Variants in PDE3A observed in about 807,000 individuals in gnomAD.
The protein encoded by PDE3A is cGMP-inhibited 3',5'-cyclic phosphodiesterase 3A.
A neutral mutation model predicts 98.3 loss-of-function variants in PDE3A; 43 were observed. The observed-to-expected ratio is 0.44, with a 90% CI of 0.34 to 0.56. PDE3A has a LOEUF of 0.56. PDE3A is among the 20% of genes least tolerant of loss of function. The pLI is 0.01. For missense variants in PDE3A, 1,427 were observed against 1,440.7 expected, an observed-to-expected ratio of 0.99 and a Z score of 0.15; for synonymous variants, 663 against 567.9, an observed-to-expected ratio of 1.17 and a Z score of -2.38.
chr12:20,523,594 T>C lies in PDE3A; in HGVS notation c.961-33066T>C, dbSNP rs185261138. Among the ~76,000 whole-genome samples the C allele has an allele frequency of 6.6e-5, 10 of 152,308 alleles. No individual in the cohort carries two copies. In the East Asian group the frequency reaches 1.9e-3, roughly 29 times the overall value. ...TTACCACTTACACAGAGGCATTTCT[T>C]AATGTTGAATTCAAATGTTGATTTT... On this transcript the variant is annotated intron_variant, in intron 1 of 15. Coordinates refer to ENST00000359062, the MANE Select transcript of PDE3A (RefSeq NM_000921.5).
chr12:20,582,686 A>G (rs1198746890), intron 2 of PDE3A, among the ~76,000 whole-genome samples: 1 of 152,242 alleles, frequency 6.6e-6, no homozygotes, highest in African/African-American at 2.4e-5. Flanking sequence ...TTATAGGAAT[A>G]TGTTTTGAGA....
At chr12:20,498,412 C>G (rs1004876055) in intron 1 of PDE3A, among the ~76,000 whole-genome samples, 1 of 151,904 alleles carries the variant, frequency 6.6e-6, no homozygotes, top group Non-Finnish European at 1.5e-5. Context: ...CTGAACTGAA[C>G]ATGTGCAGAC....
At chr12:20,617,742 C>G (rs778189924) in intron 4 of PDE3A, among the ~76,000 whole-genome samples, 17 of 152,066 alleles carry the variant, frequency 1.1e-4, no homozygotes, top group African/African-American at 3.9e-4. Context: ...TAGAATGACT[C>G]TATGAAAAAT....
At chr12:20,677,385 T>G (rs1945668432) in intron 15 of PDE3A, among the ~76,000 whole-genome samples, 2 of 152,182 alleles carry the variant, frequency 1.3e-5, no homozygotes, top group African/African-American at 4.8e-5. Flanking sequence ...CATATTTTCT[T>G]GCTTTTTCAC....
At position 20,381,766 on chromosome 12, in the gene PDE3A, G is replaced by A. The variant is rs182504069; in HGVS notation, c.960+11522G>A. Among the ~76,000 whole-genome samples the A allele has an allele frequency of 1.1e-3, 160 of 151,786 alleles. 1 individual carries two copies. Among genetic ancestry groups the A allele is most frequent in the African/African-American group, 3.8e-3 (158 of 41,432 alleles). ...ATGACCAGAATTGATTAAAAATGTC[G>A]GCAAGTAAGTTTGTTATTTAATATC... On this transcript the variant is annotated intron_variant, in intron 1 of 15. Coordinates refer to ENST00000359062, the MANE Select transcript of PDE3A (RefSeq NM_000921.5).
Position 20,551,686 on chromosome 12 carries a change from C to A in PDE3A, c.961-4974C>A, listed in dbSNP as rs950579816. The A allele has an allele frequency of 5.0e-6, 8 of 1,610,660 alleles. No homozygotes were observed. The East Asian group carries it at 1.6e-4, about 31-fold the overall frequency. On this transcript the variant is annotated intron_variant, in intron 1 of 15. Coordinates refer to ENST00000359062, the MANE Select transcript of PDE3A (RefSeq NM_000921.5). Reference sequence around the variant, plus strand: ...CCTGGACCCGCCCCTCAGCAGTGTTCCCAGCGAGGACGAGTGGTACTGCCC... The same window carrying A: ...CCTGGACCCGCCCCTCAGCAGTGTTACCAGCGAGGACGAGTGGTACTGCCC...
intron 1 of PDE3A, among the ~76,000 whole-genome samples, chr12:20,507,578 AC>A (rs1265397964): frequency 1.3e-5 from 2 of 151,952 alleles, no homozygotes; most frequent in Non-Finnish European, 2.9e-5. Context: ...TAGATACCTA[AC>A]AGACGCCTCA....
chr12:20,475,863 G>A (rs1311449371), intron 1 of PDE3A, among the ~76,000 whole-genome samples: 1 of 152,134 alleles, frequency 6.6e-6, no homozygotes, highest in Non-Finnish European at 1.5e-5. Flanking sequence ...GAAACTGAGA[G>A]GCAGATATTC....
chr12:20,401,219 C>T (rs1035285094), intron 1 of PDE3A, among the ~76,000 whole-genome samples: 1 of 152,106 alleles, frequency 6.6e-6, no homozygotes, highest in Non-Finnish European at 1.5e-5. Context: ...ACTGGTCTCC[C>T]TACCCTCATG....
At chr12:20,635,868 T>C (rs1944501224) in intron 8 of PDE3A, among the ~76,000 whole-genome samples, 1 of 152,286 alleles carries the variant, frequency 6.6e-6, no homozygotes, top group African/African-American at 2.4e-5. Context: ...ATTTTTTCTC[T>C]TTCCAAGCAT....
chr12:20,396,461 AC>A (rs1182056725), intron 1 of PDE3A, among the ~76,000 whole-genome samples: 2 of 152,030 alleles, frequency 1.3e-5, no homozygotes, highest in African/African-American at 4.8e-5. Context: ...TAAAGCCAGA[AC>A]TCTATCCTTG....
chr12:20,407,627 T>C (rs1017844760), intron 1 of PDE3A, among the ~76,000 whole-genome samples: 40 of 152,316 alleles, frequency 2.6e-4, no homozygotes, highest in African/African-American at 9.4e-4. Context: ...TGCAAGAAGA[T>C]ATACCAGCAT....
At chr12:20,633,053 C>A (rs373600134) in intron 6 of PDE3A, among the ~76,000 whole-genome samples, 1 of 145,538 alleles carries the variant, frequency 6.9e-6, no homozygotes, top group East Asian at 2.0e-4. Flanking sequence ...CAGGTTCAAG[C>A]GATTCTCCTG....
chr12:20,372,648 C>G (rs1426963271), intron 1 of PDE3A, among the ~76,000 whole-genome samples: 2 of 152,092 alleles, frequency 1.3e-5, no homozygotes, highest in Non-Finnish European at 2.9e-5. Context: ...AAGTGTACCA[C>G]TGTCATTTGC....
chr12:20,546,431 A>G (rs1942060460), intron 1 of PDE3A, among the ~76,000 whole-genome samples: 1 of 152,006 alleles, frequency 6.6e-6, no homozygotes. Flanking sequence ...GACTGGCCTA[A>G]ACTATCAGAG....
rs561082929 is a variant in PDE3A at position 20,637,947 on chromosome 12, G to A, written c.2139+710G>A. Among the ~76,000 whole-genome samples, 3 of 152,264 alleles carry A rather than the reference G, an allele frequency of 2.0e-5. No individual in the cohort carries two copies. The East Asian group carries it at 5.8e-4, about 29-fold the overall frequency. On this transcript the variant is annotated intron_variant, in intron 9 of 15. Transcript: ENST00000359062. ...AAATACACACCCTTAATTAAATAAA[G>A]AGGATGGTGTGATAATATGTATCAG...
intron 1 of PDE3A, among the ~76,000 whole-genome samples, chr12:20,478,169 A>G (rs1417076743): frequency 2.0e-5 from 3 of 152,206 alleles, no homozygotes; most frequent in Admixed American, 1.3e-4. Flanking sequence ...ATTTTTATAA[A>G]GTGTTCTTAG....
At chr12:20,429,167 T>C (rs1169156496) in intron 1 of PDE3A, among the ~76,000 whole-genome samples, 1 of 152,226 alleles carries the variant, frequency 6.6e-6, no homozygotes, top group Non-Finnish European at 1.5e-5. Context: ...ATGGAAACGA[T>C]GTGAAGATGA....
intron 2 of PDE3A, among the ~76,000 whole-genome samples, chr12:20,613,101 A>G (rs1314557792): frequency 6.6e-6 from 1 of 152,184 alleles, no homozygotes; most frequent in Non-Finnish European, 1.5e-5. Context: ...AAGAACATAG[A>G]TGTAAAATGT....
Sources: gnomAD v4.1 joint callset for allele counts (sites outside exome capture counted in the v4.1 genomes callset) on GRCh38, gnomAD v4.1.1 for gene constraint, MANE v1.5 for transcripts, NCBI Gene and HGNC (gene_info 2026-07-23, HGNC 2026-07-21) for gene names.